Variants in ZNF350 observed in about 807,000 individuals in gnomAD.
ZNF350 encodes zinc finger protein 350, also known as KRAB zinc finger protein ZFQR.
In ZNF350, 5 loss-of-function variants were observed where a neutral mutation model predicts 13.1. The ratio of observed to expected loss-of-function variants is 0.38; its 90% CI spans 0.20 to 0.80. The LOEUF is 0.80. Ranked by LOEUF, ZNF350 falls within the 30% of genes least tolerant of loss-of-function variation. The pLI, the probability that ZNF350 is intolerant of heterozygous loss-of-function variation, is 0.43. For synonymous variants in ZNF350, 199 were observed against 224.2 expected (o/e 0.89, Z 1.00); for missense variants, 534 against 644.2 (o/e 0.83, Z 1.85).
At chr19:51,981,412 G>A (rs894185933) in intron 1 of ZNF350, 1 of 152,084 alleles carries the variant, frequency 6.6e-6, no homozygotes, top group Non-Finnish European at 1.5e-5. Flanking sequence ...CCCCATTTGT[G>A]CAGTCCCATG....
chr19:51,975,645 A>G (rs1271803855), intron 1 of ZNF350, among the ~76,000 whole-genome samples: 1 of 152,248 alleles, frequency 6.6e-6, no homozygotes, highest in Non-Finnish European at 1.5e-5. Context: ...AAGTAAAAAC[A>G]GAGCATGGAT....
At chr19:51,983,938 C>G (rs965366156) in intron 1 of ZNF350, 1 of 152,236 alleles carries the variant, frequency 6.6e-6, no homozygotes, top group Non-Finnish European at 1.5e-5. Flanking sequence ...GAGGGGCAGG[C>G]CCCCTTCAGG....
chr19:51,981,335 T>C (rs1195580391), intron 1 of ZNF350: 1 of 147,860 alleles, frequency 6.8e-6, no homozygotes, highest in African/African-American at 2.5e-5. Context: ...CCACTAGAGG[T>C]AAGGTGCTCC....
Position 51,974,466 on chromosome 19 carries a change from A to G in ZNF350, c.-106T>C. 1 of 1,361,488 alleles carries G rather than the reference A, an allele frequency of 7.3e-7. No individual in the cohort carries two copies. The highest frequency in any genetic ancestry group is 1.2e-5 in the South Asian group (1 of 80,790). 84.3% of individuals were successfully genotyped at this position (1,361,488 alleles called of 1,614,324 possible). A position where few individuals can be genotyped will look rare whatever the true frequency, so the allele number is the denominator to read the frequency against. On this transcript the variant is annotated 5_prime_UTR_variant, in exon 2 of 5. Transcript: ENST00000243644. ...TTTTCAATCAAGTGTGCCCCAAGAA[A>G]TGGTGAACCCCAAATCCACTTCCTC...
chr19:51,983,749 T>A (rs2086109410), intron 1 of ZNF350, among the ~76,000 whole-genome samples: 1 of 151,800 alleles, frequency 6.6e-6, no homozygotes, highest in Admixed American at 6.6e-5. Context: ...CTCACCAAGA[T>A]GGTAAAAATA....
chr19:51,968,469 G>A (rs2085639031), intron 4 of ZNF350, 109 bp downstream of exon 4: 2 of 922,746 alleles, frequency 2.2e-6, no homozygotes, highest in South Asian at 1.3e-5. Context: ...GGAGACAGAT[G>A]AGTAGAGGAA....
At chr19:51,984,638 A>G (rs1490835726) in intron 1 of ZNF350, among the ~76,000 whole-genome samples, 1 of 152,222 alleles carries the variant, frequency 6.6e-6, no homozygotes, top group Non-Finnish European at 1.5e-5. Flanking sequence ...AGGTAATACA[A>G]ATGTAATTAA....
chr19:51,969,348 T>C (rs542458334), intron 2 of ZNF350, among the ~76,000 whole-genome samples: 230 of 152,192 alleles, frequency 1.5e-3, no homozygotes, highest in African/African-American at 5.4e-3. Context: ...CTATAAAGTG[T>C]AGAAGTTAAA....
intron 1 of ZNF350, among the ~76,000 whole-genome samples, chr19:51,985,545 C>T (rs552520975): frequency 6.6e-6 from 1 of 152,182 alleles, no homozygotes; most frequent in African/African-American, 2.4e-5. Flanking sequence ...CATGTCAAAC[C>T]TATCACTAGC....
intron 1 of ZNF350, among the ~76,000 whole-genome samples, chr19:51,979,058 C>T (rs2085968613): frequency 6.6e-6 from 1 of 152,022 alleles, no homozygotes; most frequent in African/African-American, 2.4e-5. Context: ...CAACCATGGG[C>T]CCAGTCCCTC....
chr19:51,965,252 GTC>G lies in ZNF350; in HGVS notation c.1199_1200del (p.Arg400ThrfsTer5). 6.2e-7 allele frequency: 1 copy of G among 1,614,192 alleles called. No homozygotes were observed. The highest frequency in any genetic ancestry group is 1.1e-5 in the South Asian group (1 of 91,086). Reference sequence around the variant, plus strand: ...TTCCCACACTCGTTACAGCCATAGGGTCTCTCTCCTGTATGAGTCCTTTGATG... The same window carrying G: ...TTCCCACACTCGTTACAGCCATAGGGTCTCTCCTGTATGAGTCCTTTGATG... ...IVHQRTHTGE[R>X]PYGCNECGKA... On this transcript the variant is annotated frameshift_variant, in exon 5 of 5. Coordinates refer to ENST00000243644, the MANE Select transcript of ZNF350 (RefSeq NM_021632.4). LOFTEE classifies it low-confidence loss of function (END_TRUNC).
chr19:51,967,695 G>A (rs552328421), intron 4 of ZNF350, among the ~76,000 whole-genome samples: 2 of 152,188 alleles, frequency 1.3e-5, no homozygotes, highest in Non-Finnish European at 2.9e-5. Flanking sequence ...AGTTGAGAAT[G>A]TAGGATGTTA....
chr19:51,974,262 A>G (rs879710380), intron 2 of ZNF350, 84 bp downstream of exon 2: 1 of 1,462,118 alleles, frequency 6.8e-7, no homozygotes. Flanking sequence ...TATACTTTTT[A>G]TATTAGTGAA....
intron 2 of ZNF350, among the ~76,000 whole-genome samples, chr19:51,972,065 T>C (rs1300968488): frequency 6.6e-6 from 1 of 152,124 alleles, no homozygotes; most frequent in Non-Finnish European, 1.5e-5. Flanking sequence ...ACAAATGTAA[T>C]GGGATTTTGC....
chr19:51,967,527 C>T (rs970100245), intron 4 of ZNF350: 1 of 152,080 alleles, frequency 6.6e-6, no homozygotes, highest in African/African-American at 2.4e-5. Flanking sequence ...ATGGAAATCT[C>T]TTTGTGAGCA....
intron 2 of ZNF350, chr19:51,973,205 C>T (rs1015515272): frequency 6.6e-6 from 1 of 152,134 alleles, no homozygotes; most frequent in Non-Finnish European, 1.5e-5. Context: ...CTCGGTCTCC[C>T]AAAGTGCTGG....
chr19:51,972,076 A>C (rs1046355354), intron 2 of ZNF350, among the ~76,000 whole-genome samples: 12 of 152,222 alleles, frequency 7.9e-5, no homozygotes, highest in Admixed American at 7.9e-4. Context: ...GGGATTTTGC[A>C]GTGGTAGAGG....
At chr19:51,973,836 A>G (rs2085811982) in intron 2 of ZNF350, 1 of 153,084 alleles carries the variant, frequency 6.5e-6, no homozygotes, top group African/African-American at 2.4e-5. Context: ...CTATTCCGTA[A>G]CAGTATATAA....
intron 1 of ZNF350, among the ~76,000 whole-genome samples, chr19:51,979,576 C>T (rs1005767911): frequency 2.6e-5 from 4 of 152,190 alleles, no homozygotes; most frequent in Admixed American, 6.5e-5. Context: ...CTTATTAGGT[C>T]TTGGTTCTAT....
Sources: allele counts gnomAD v4.1 joint callset (sites outside exome capture counted in the v4.1 genomes callset), GRCh38; gene constraint gnomAD v4.1.1; transcripts MANE v1.5; gene names NCBI Gene and HGNC (gene_info 2026-07-23, HGNC 2026-07-21).